The following SVIL variants were observed in gnomAD, a reference collection of about 807,000 sequenced individuals.
SVIL encodes supervillin.
SVIL carries 101 observed loss-of-function variants against 240.4 expected under a neutral mutation model. The observed-to-expected ratio is 0.42, with a 90% confidence interval of 0.36 to 0.50. The LOEUF (loss-of-function observed/expected upper bound fraction) is 0.50. SVIL is among the 20% of genes least tolerant of loss of function. The pLI, the probability that SVIL is intolerant of heterozygous loss-of-function variation, is 0.01. For missense variants in SVIL, 2,512 were observed against 2,818.7 expected (o/e 0.89, Z 2.46); for synonymous variants, 999 against 1,100.0 (o/e 0.91, Z 1.82).
chr10:29,478,958 AAGAG>A (rs1042394396), intron 29 of SVIL, among the ~76,000 whole-genome samples: 9 of 151,156 alleles, frequency 6.0e-5, no homozygotes, highest in East Asian at 3.9e-4. Flanking sequence ...AAAGAACAAA[AAGAG>A]AGAAAGAAAT....
At chr10:29,527,915 G>A (rs1203192677) in intron 12 of SVIL, among the ~76,000 whole-genome samples, 1 of 151,592 alleles carries the variant, frequency 6.6e-6, no homozygotes, top group Non-Finnish European at 1.5e-5. Context: ...TTTTAGTAGG[G>A]ACGGGGTTTC....
At chr10:29,624,926 C>A (rs1463609370) in intron 1 of SVIL, among the ~76,000 whole-genome samples, 1 of 151,926 alleles carries the variant, frequency 6.6e-6, no homozygotes, top group Admixed American at 6.6e-5. Flanking sequence ...TGTTTAAGGC[C>A]CCATGAACCA....
At chr10:29,577,370 T>C (rs11593175) in intron 1 of SVIL, among the ~76,000 whole-genome samples, 18,757 of 152,202 alleles carry the variant, frequency 0.12, 1,301 homozygotes, top group Non-Finnish European at 0.15. Flanking sequence ...AAGTCTATTA[T>C]ACAACTCTTA....
intron 2 of SVIL, among the ~76,000 whole-genome samples, chr10:29,673,282 G>A (rs528005403): frequency 1.6e-3 from 240 of 152,138 alleles, no homozygotes; most frequent in Non-Finnish European, 2.7e-3. Context: ...TATTCTAAAA[G>A]ATGCCATGCA....
At chr10:29,496,063 G>A (rs989766520) in intron 18 of SVIL, among the ~76,000 whole-genome samples, 2 of 152,108 alleles carry the variant, frequency 1.3e-5, no homozygotes, top group Admixed American at 6.5e-5. Context: ...ATCCCTGGAC[G>A]AACAACATCG....
At chr10:29,717,188 ACG>A (rs1963669384) in intron 1 of SVIL, among the ~76,000 whole-genome samples, 1 of 132,206 alleles carries the variant, frequency 7.6e-6, no homozygotes, top group Non-Finnish European at 1.6e-5. Context: ...AGCCGAGATC[ACG>A]CCACTGCACT....
At chr10:29,636,837 T>C (rs1438319173), upstream of SVIL, among the ~76,000 whole-genome samples, 1 of 152,158 alleles carries the variant, frequency 6.6e-6, no homozygotes, top group Non-Finnish European at 1.5e-5. Flanking sequence ...ATGGTCTTGC[T>C]CTGTTGTCCA....
At chr10:29,727,389 A>T (rs1214514458) in intron 1 of SVIL, among the ~76,000 whole-genome samples, 1 of 152,030 alleles carries the variant, frequency 6.6e-6, no homozygotes, top group East Asian at 1.9e-4. Flanking sequence ...TCAGCCTCCC[A>T]AGTAGCTGGG....
At chr10:29,538,574 T>C (rs1196933570) in intron 6 of SVIL, among the ~76,000 whole-genome samples, 4 of 152,244 alleles carry the variant, frequency 2.6e-5, no homozygotes, top group Non-Finnish European at 4.4e-5. Context: ...TCCCCTGCGA[T>C]GCTCGCAGAG....
intron 3 of SVIL, among the ~76,000 whole-genome samples, chr10:29,561,608 CAG>C (rs1272152167): frequency 6.7e-6 from 1 of 148,848 alleles, no homozygotes; most frequent in Non-Finnish European, 1.5e-5. Context: ...TTGTCTTTCA[CAG>C]AGAGTCCTAA....
At chr10:29,625,588 C>A (rs1001892285) in intron 1 of SVIL, among the ~76,000 whole-genome samples, 2 of 152,102 alleles carry the variant, frequency 1.3e-5, no homozygotes, top group Non-Finnish European at 2.9e-5. Flanking sequence ...CTCAGCCTCC[C>A]GAGTAGCTGG....
intron 2 of SVIL, among the ~76,000 whole-genome samples, chr10:29,674,029 A>AT (rs376157522): frequency 2.6e-5 from 4 of 151,820 alleles, no homozygotes; most frequent in South Asian, 4.2e-4. Context: ...TTTAGCATAA[A>AT]TTTTTTTTTG....
At chr10:29,494,131 G>A (rs1452433742) in intron 20 of SVIL, among the ~76,000 whole-genome samples, 2 of 152,074 alleles carry the variant, frequency 1.3e-5, no homozygotes, top group Admixed American at 1.3e-4. Context: ...TGGCACCACT[G>A]CACTTTAGCC....
rs1588933742 is a variant in SVIL, at chr10:29,486,226, A to G, written c.4638T>C (p.Ala1546=). Residue 1546 remains alanine (A), a synonymous_variant, in exon 26 of 38, where the codon GCT becomes GCC. Coordinates refer to ENST00000355867, the MANE Select transcript of SVIL (RefSeq NM_021738.3). ...AGAGTTCATCTTCTTTTGGGTCTCC[A>G]GCAGCTTGGGGATAAGAAGAACAGG... ...LLGGQTSYQS[A]GDPKEDELYE... The G allele has an allele frequency of 1.2e-6, 2 of 1,614,216 alleles. No individual in the cohort carries two copies. The highest frequency in any genetic ancestry group is 2.2e-5 in the East Asian group (1 of 44,880).
Position 29,531,939 on chromosome 10 carries a change from T to C in SVIL, c.2009+63A>G, listed in dbSNP as rs200676882. ...ATAAATAGCGTCAAGACCGTCAGTG[T>C]GGTAAAACTCCTGTGTCATTGCCAC... On this transcript the variant is annotated intron_variant, in intron 9 of 37. Coordinates refer to ENST00000355867, the MANE Select transcript of SVIL (RefSeq NM_021738.3). 6.4e-4 allele frequency: 999 copies of C among 1,564,704 alleles called. 2 individuals are homozygous for C. The highest frequency in any genetic ancestry group is 1.5e-3 in the South Asian group (128 of 87,310).
In SVIL at chr10:29,532,701, GA is replaced by G; in HGVS notation, c.1665del (p.Gln556SerfsTer5). 1 of 1,614,216 alleles carries G rather than the reference GA, an allele frequency of 6.2e-7. No individual in the cohort carries two copies. The highest frequency in any genetic ancestry group is 1.1e-5 in the South Asian group (1 of 91,078). Reference protein sequence around the residue: ...TRSLSDFTGPPQLQALKYKDP... With the variant: ...TRSLSDFTGPXQLQALKYKDP... ...TCCTTATACTTCAAGGCCTGGAGCT[GA>G]GGGGGGCCTGTGAAATCTGACAGAG... On this transcript the variant is annotated frameshift_variant, in exon 8 of 38. Transcript: ENST00000355867. LOFTEE classifies it high-confidence loss of function.
At chr10:29,538,648 C>T (rs1951913439) in intron 6 of SVIL, among the ~76,000 whole-genome samples, 1 of 152,248 alleles carries the variant, frequency 6.6e-6, no homozygotes, top group South Asian at 2.1e-4. Flanking sequence ...GACCCATCTC[C>T]ATAGTGTGCT....
chr10:29,679,537 CT>C (rs1174209096), intron 2 of SVIL, among the ~76,000 whole-genome samples: 5 of 148,204 alleles, frequency 3.4e-5, no homozygotes, highest in South Asian at 2.2e-4. Context: ...AAGCCAGCCA[CT>C]TTTTTTTCTT....
At chr10:29,576,486 G>C (rs1014955849) in intron 1 of SVIL, among the ~76,000 whole-genome samples, 1 of 152,156 alleles carries the variant, frequency 6.6e-6, no homozygotes, top group Non-Finnish European at 1.5e-5. Flanking sequence ...AGAACATAAA[G>C]ACTATGGCAT....
Sources: allele counts gnomAD v4.1 joint callset (sites outside exome capture counted in the v4.1 genomes callset), GRCh38; gene constraint gnomAD v4.1.1; transcripts MANE v1.5; gene names NCBI Gene and HGNC (gene_info 2026-07-23, HGNC 2026-07-21).